PLSCR1: variants seen among roughly 807,000 people sequenced by gnomAD.
PLSCR1 encodes the protein phospholipid scramblase 1.
In PLSCR1, 17 loss-of-function variants were observed where a neutral mutation model predicts 37.8. The ratio of observed to expected loss-of-function variants is 0.45; its 90% CI spans 0.31 to 0.68. The LOEUF (loss-of-function observed/expected upper bound fraction) is 0.68, where lower values mean the gene tolerates loss of function less well. Among genes scored for constraint, PLSCR1 ranks in the 30% least tolerant of loss-of-function variants. The probability of loss-of-function intolerance (pLI) is 0.06; values close to 1 mark genes in which losing one functional copy is unlikely to be tolerated. For missense variants in PLSCR1, 347 were observed against 380.9 expected (o/e 0.91, Z 0.74); for synonymous variants, 116 against 125.9 (o/e 0.92, Z 0.53).
intron 5 of PLSCR1, among the ~76,000 whole-genome samples, chr3:146,525,291 A>G (rs2044091862): frequency 6.6e-6 from 1 of 152,234 alleles, no homozygotes; most frequent in African/African-American, 2.4e-5. Context: ...GCTGATCACA[A>G]TTACGGAGAA....
intron 2 of PLSCR1, among the ~76,000 whole-genome samples, chr3:146,535,050 A>G (rs760478450): frequency 2.0e-5 from 3 of 151,956 alleles, no homozygotes; most frequent in Non-Finnish European, 2.9e-5. Context: ...CAAGTGACTG[A>G]CCTAACTCCC....
At chr3:146,524,599 T>C (rs2044080823) in intron 5 of PLSCR1, among the ~76,000 whole-genome samples, 1 of 152,120 alleles carries the variant, frequency 6.6e-6, no homozygotes, top group Non-Finnish European at 1.5e-5. Flanking sequence ...TTTGGTTATA[T>C]GTCTGTTTGG....
chr3:146,539,958 CT>C (rs2044316255), intron 1 of PLSCR1, among the ~76,000 whole-genome samples: 1 of 152,110 alleles, frequency 6.6e-6, no homozygotes, highest in East Asian at 1.9e-4. Context: ...TATAATGATC[CT>C]TTGGGTTTTC....
chr3:146,516,954 GA>G (rs528593332), intron 8 of PLSCR1, 51 bp downstream of exon 8: 7 of 1,118,468 alleles, frequency 6.3e-6, no homozygotes, highest in Non-Finnish European at 9.0e-6. Flanking sequence ...AATCATTTCA[GA>G]ATGAACCTAG....
intron 5 of PLSCR1, among the ~76,000 whole-genome samples, chr3:146,523,637 T>C (rs959644207): frequency 6.6e-6 from 1 of 152,192 alleles, no homozygotes; most frequent in East Asian, 1.9e-4. Flanking sequence ...AGGTGGGTAT[T>C]AGACAAACGT....
chr3:146,527,238 G>A (rs942931754), intron 4 of PLSCR1, among the ~76,000 whole-genome samples: 1 of 152,174 alleles, frequency 6.6e-6, no homozygotes, highest in Non-Finnish European at 1.5e-5. Context: ...ATTACAGCTA[G>A]ATAGGAGGAA....
intron 3 of PLSCR1, among the ~76,000 whole-genome samples, chr3:146,530,263 T>C (rs1461605826): frequency 1.3e-5 from 2 of 152,210 alleles, no homozygotes; most frequent in Non-Finnish European, 1.5e-5. Flanking sequence ...TATGATAAAA[T>C]TCATTTGCCC....
intron 2 of PLSCR1, among the ~76,000 whole-genome samples, chr3:146,535,831 A>G (rs1228617145): frequency 6.6e-6 from 1 of 152,198 alleles, no homozygotes; most frequent in Non-Finnish European, 1.5e-5. Flanking sequence ...TATTTCATAT[A>G]TCTAATAAGG....
intron 1 of PLSCR1, chr3:146,540,829 G>C (rs971984938): frequency 6.6e-6 from 1 of 152,134 alleles, no homozygotes; most frequent in Non-Finnish European, 1.5e-5. Flanking sequence ...AGGAAAGGTA[G>C]GAATTTCAAG....
In PLSCR1 at chr3:146,517,112, C is replaced by T; in HGVS notation, c.794G>A (p.Gly265Glu). The T allele has an allele frequency of 1.2e-6, 2 of 1,600,498 alleles. No homozygotes were observed. Among genetic ancestry groups the T allele is most frequent in the Non-Finnish European group, 1.7e-6 (2 of 1,172,768 alleles). Residue 265 changes from glycine to glutamate, a missense_variant, in exon 8 of 9, where the codon GGA (glycine) becomes GAA (glutamate). Physicochemically the swap from Gly to Glu is moderately conservative, Grantham distance 98. Transcript: ENST00000342435. ...GTCTGTAAATGCCTCTCTCAAAATT[C>T]CAGTCCAGTGCTTGGAAATTTTGCC... is the stretch of plus-strand genomic sequence containing the variant. ...VVGKISKHWT[G>E]ILREAFTDAD...
At chr3:146,539,032 G>C (rs559232470) in intron 1 of PLSCR1, among the ~76,000 whole-genome samples, 4 of 152,082 alleles carry the variant, frequency 2.6e-5, no homozygotes, top group African/African-American at 9.7e-5. Context: ...TGATTCAAGC[G>C]CATTACATTT....
intron 2 of PLSCR1, among the ~76,000 whole-genome samples, chr3:146,534,480 ATG>A (rs907685421): frequency 6.6e-6 from 1 of 152,146 alleles, no homozygotes; most frequent in African/African-American, 2.4e-5. Flanking sequence ...ATTTTTCTGT[ATG>A]TGTCTCTATT....
At chr3:146,541,261 T>C (rs2044335033) in intron 1 of PLSCR1, 2 of 152,164 alleles carry the variant, frequency 1.3e-5, no homozygotes, top group Non-Finnish European at 2.9e-5. Flanking sequence ...TGAATAAAAA[T>C]GTAGATGATA....
At position 146,537,593 on chromosome 3, in the gene PLSCR1, G is replaced by A. The variant is rs114830349; in HGVS notation, c.-13-1028C>T. On this transcript the variant is annotated intron_variant, in intron 1 of 8. Coordinates refer to ENST00000342435, the MANE Select transcript of PLSCR1 (RefSeq NM_021105.3). The stretch of plus-strand genomic sequence containing the variant: ...CTTGCTGTTTCAGAATTATTTTTTG[G>A]CCAGGGATGGTGGCTTATGCCTATA... Among the ~76,000 whole-genome samples, 1,268 of 152,180 alleles carry A rather than the reference G, an allele frequency of 8.3e-3. 11 individuals carry two copies. Among genetic ancestry groups the A allele is most frequent in the African/African-American group, 0.029 (1,192 of 41,504 alleles).
At chr3:146,544,246 C>T (rs1209880566) in intron 1 of PLSCR1, among the ~76,000 whole-genome samples, 1 of 152,338 alleles carries the variant, frequency 6.6e-6, no homozygotes, top group East Asian at 1.9e-4. Context: ...CGTGTACCTG[C>T]TCCACTTCCA....
chr3:146,536,426 CAG>C, intron 2 of PLSCR1, 112 bp downstream of exon 2: 2 of 664,138 alleles, frequency 3.0e-6, no homozygotes, highest in Non-Finnish European at 5.5e-6. Flanking sequence ...GCATAAACAA[CAG>C]AAAACAAATT....
In PLSCR1 at chr3:146,522,043, A is replaced by G; in HGVS notation, c.366T>C (p.Gly122=). The G allele has an allele frequency of 1.3e-6, 2 of 1,560,464 alleles. No homozygotes were observed. The highest frequency in any genetic ancestry group is 1.1e-5 in the South Asian group (1 of 89,992). Residue 122 remains glycine, a synonymous_variant, in exon 6 of 9, where the codon GGT becomes GGC. Coordinates refer to ENST00000342435, the MANE Select transcript of PLSCR1 (RefSeq NM_021105.3). ...QQIELLEVLT[G]FETNNKYEIK... ...TTTCATATTTGTTATTAGTTTCAAA[A>G]CCTGTTAAAACTAAAAACATAAAAG...
intron 1 of PLSCR1, chr3:146,538,109 T>A (rs113104121): frequency 2.0e-5 from 3 of 152,270 alleles, no homozygotes; most frequent in African/African-American, 7.2e-5. Context: ...ACAATAGGAA[T>A]CTCAGTTTGC....
chr3:146,523,986 C>T (rs547630006), intron 5 of PLSCR1, among the ~76,000 whole-genome samples: 2 of 152,232 alleles, frequency 1.3e-5, no homozygotes, highest in African/African-American at 2.4e-5. Flanking sequence ...GACTCTGAGT[C>T]GGATAAAGAC....
Sources: gnomAD v4.1 joint callset for allele counts (sites outside exome capture counted in the v4.1 genomes callset) on GRCh38, gnomAD v4.1.1 for gene constraint, MANE v1.5 for transcripts, NCBI Gene and HGNC (gene_info 2026-07-23, HGNC 2026-07-21) for gene names.